Variants in NUFIP1 observed in about 807,000 individuals in gnomAD.
NUFIP1 encodes the protein FMR1-interacting protein NUFIP1.
A neutral mutation model predicts 56.2 loss-of-function variants in NUFIP1; 38 were observed. The observed-to-expected ratio is 0.68, with a 90% confidence interval of 0.52 to 0.89. NUFIP1 has a LOEUF of 0.89. NUFIP1 is among the 40% of genes least tolerant of loss of function. NUFIP1 has a pLI of 0.00. For synonymous variants in NUFIP1, 215 were observed against 212.4 expected (o/e 1.01, Z -0.10); for missense variants, 567 against 605.8 (o/e 0.94, Z 0.67).
chr13:44,969,359 G>C (rs1871723756), intron 5 of NUFIP1, among the ~76,000 whole-genome samples: 1 of 152,132 alleles, frequency 6.6e-6, no homozygotes, highest in South Asian at 2.1e-4. Flanking sequence ...AAGGAGTTCT[G>C]ATGAAGGAGT....
chr13:44,982,200 T>C, intron 1 of NUFIP1, 46 bp from the exon 2 acceptor site: 2 of 925,594 alleles, frequency 2.2e-6, no homozygotes, highest in Non-Finnish European at 3.0e-6. Flanking sequence ...TGTAATTATT[T>C]AAATTATAAT....
In NUFIP1 at chr13:44,959,491, G is replaced by C; in HGVS notation, c.911C>G (p.Ser304Cys). 1 of 1,614,080 alleles carries C rather than the reference G, an allele frequency of 6.2e-7. No individual in the cohort carries two copies. The highest frequency in any genetic ancestry group is 1.3e-5 in the African/African-American group (1 of 75,010). Reference sequence around the variant, plus strand: ...TGATCCAGTGACTGCTCTCTGTCTAGAATTGTCGTTTTTCCATTTGTGATT... The same window carrying C: ...TGATCCAGTGACTGCTCTCTGTCTACAATTGTCGTTTTTCCATTTGTGATT... ...GKNHKWKNDN[S>C]RQRAVTGSGS... Residue 304 changes from serine to cysteine, a missense_variant, in exon 7 of 10, where the codon TCT becomes TGT. By Grantham distance (112) the Ser-to-Cys change is moderately radical (BLOSUM62 -1). Coordinates refer to ENST00000379161, the MANE Select transcript of NUFIP1 (RefSeq NM_012345.3).
intron 8 of NUFIP1, among the ~76,000 whole-genome samples, chr13:44,946,525 T>C (rs1191856519): frequency 1.3e-5 from 2 of 152,210 alleles, no homozygotes; most frequent in Non-Finnish European, 2.9e-5. Flanking sequence ...TGGAAGTATT[T>C]CTTATTAAAT....
chr13:44,940,266 C>T lies in NUFIP1; in HGVS notation c.*940G>A, dbSNP rs895313539. 6.6e-6 allele frequency: 1 copy of T among 152,106 alleles called. No individual in the cohort carries two copies. Among genetic ancestry groups the T allele is most frequent in the African/African-American group, 2.4e-5 (1 of 41,424 alleles). 9.4% of individuals were successfully genotyped at this position (152,106 alleles called of 1,614,324 possible). A position where few individuals can be genotyped will look rare whatever the true frequency, so the allele number is the denominator to read the frequency against. ...ATGAATCTTCATCTCAGGTCTGTGACGTCACTAGGGTCACATGCCAGGTGT... is the reference window on the plus strand; with the variant it reads ...ATGAATCTTCATCTCAGGTCTGTGATGTCACTAGGGTCACATGCCAGGTGT... On this transcript the variant is annotated 3_prime_UTR_variant, in exon 10 of 10. Coordinates refer to ENST00000379161, the MANE Select transcript of NUFIP1 (RefSeq NM_012345.3).
chr13:44,988,895 T>G, intron 1 of NUFIP1, 130 bp downstream of exon 1: 1 of 884,472 alleles, frequency 1.1e-6, no homozygotes, highest in Non-Finnish European at 1.7e-6. Flanking sequence ...TCACTTTGCT[T>G]TGAGATGCTA....
In NUFIP1 at chr13:44,943,515, T is replaced by C; in HGVS notation, c.1298A>G (p.Lys433Arg). The change falls in exon 9 of 10, where the codon AAG (lysine) becomes AGG (arginine). Residue 433 changes from lysine (K) to arginine (R), a missense_variant. Lys to Arg is a conservative substitution (Grantham distance 26). Coordinates refer to ENST00000379161, the MANE Select transcript of NUFIP1 (RefSeq NM_012345.3). ...ATAGTTGTGATAATCTTTTTTCCTC[T>C]TAGGGTTTGTTTTTTCAAAGCTTTT... ...RKKSFEKTNPKRKKDYHNYQT... is the reference protein window; with the variant it reads ...RKKSFEKTNPRRKKDYHNYQT... The C allele has an allele frequency of 6.2e-7, 1 of 1,614,184 alleles. No individual in the cohort carries two copies. Among genetic ancestry groups the C allele is most frequent in the Non-Finnish European group, 8.5e-7 (1 of 1,180,022 alleles).
intron 2 of NUFIP1, 127 bp downstream of exon 2, chr13:44,981,945 T>G: frequency 7.0e-6 from 1 of 143,506 alleles, no homozygotes. Context: ...AAAATTCCTT[T>G]TTATAGCAAG....
intron 8 of NUFIP1, among the ~76,000 whole-genome samples, chr13:44,946,905 T>C (rs117657518): frequency 2.0e-5 from 3 of 152,362 alleles, no homozygotes; most frequent in South Asian, 2.1e-4. Flanking sequence ...AGAAATTTGC[T>C]AGTGACCTGG....
chr13:44,960,257 ATGTT>A (rs1871378647), intron 6 of NUFIP1, among the ~76,000 whole-genome samples: 2 of 148,390 alleles, frequency 1.3e-5, no homozygotes, highest in African/African-American at 5.0e-5. Context: ...TTTATAAAGT[ATGTT>A]CACTCTTGTC....
At chr13:44,975,914 G>A (rs1566063322) in intron 5 of NUFIP1, among the ~76,000 whole-genome samples, 2 of 152,196 alleles carry the variant, frequency 1.3e-5, no homozygotes, top group Admixed American at 6.5e-5. Context: ...TGGCAAATCA[G>A]GAAGTCACTT....
intron 1 of NUFIP1, among the ~76,000 whole-genome samples, chr13:44,984,081 C>G (rs894258282): frequency 4.6e-5 from 7 of 152,192 alleles, no homozygotes; most frequent in African/African-American, 1.7e-4. Context: ...CTTTCACATA[C>G]TCTGCTTCAG....
chr13:44,972,448 A>T (rs1351315765), intron 5 of NUFIP1, among the ~76,000 whole-genome samples: 2 of 152,260 alleles, frequency 1.3e-5, no homozygotes, highest in Non-Finnish European at 2.9e-5. Context: ...TTGCTGCAAA[A>T]GTATGAATAT....
chr13:44,941,275 A>G lies in NUFIP1; in HGVS notation c.1419T>C (p.Cys473=), dbSNP rs752979885. The G allele has an allele frequency of 6.2e-7, 1 of 1,611,678 alleles. No individual in the cohort carries two copies. The highest frequency in any genetic ancestry group is 1.7e-5 in the Admixed American group (1 of 59,354). ...IRHERNVILQ[C]VRYIIKKDFF... ...AGTCTTTTTTGATGATGTACCGAAC[A>G]CACTGCAAAATCACATTTCTTTCAT... The change falls in exon 10 of 10, where the codon TGT becomes TGC. Residue 473 remains cysteine (C), a synonymous_variant. Coordinates refer to ENST00000379161, the MANE Select transcript of NUFIP1 (RefSeq NM_012345.3).
At chr13:44,982,629 A>C (rs147204423) in intron 1 of NUFIP1, among the ~76,000 whole-genome samples, 36 of 152,114 alleles carry the variant, frequency 2.4e-4, no homozygotes, top group Admixed American at 9.2e-4. Context: ...CTTCCAGTTC[A>C]TAAGCCCCCT....
intron 6 of NUFIP1, among the ~76,000 whole-genome samples, chr13:44,963,037 A>G (rs1871476555): frequency 6.6e-6 from 1 of 152,140 alleles, no homozygotes; most frequent in African/African-American, 2.4e-5. Flanking sequence ...ATTAAGTGAC[A>G]CATTGTAATT....
chr13:44,982,018 T>C (rs1384418978), intron 2 of NUFIP1, 54 bp downstream of exon 2: 4 of 922,214 alleles, frequency 4.3e-6, no homozygotes, highest in East Asian at 5.7e-5. Flanking sequence ...ATGCAAGATA[T>C]GAAACAGTAA....
intron 5 of NUFIP1, among the ~76,000 whole-genome samples, chr13:44,970,082 T>C (rs139172737): frequency 6.6e-6 from 1 of 152,234 alleles, no homozygotes; most frequent in Non-Finnish European, 1.5e-5. Flanking sequence ...CCCAGTCTGC[T>C]GTGAAAAATG....
intron 1 of NUFIP1, 34 bp from the exon 2 acceptor site, chr13:44,982,188 A>C: frequency 9.8e-7 from 1 of 1,022,182 alleles, no homozygotes; most frequent in Non-Finnish European, 1.4e-6. Context: ...TGTTTGCAAC[A>C]ATGTAATTAT....
chr13:44,964,742 A>C (rs1246251448), intron 6 of NUFIP1, among the ~76,000 whole-genome samples: 1 of 152,202 alleles, frequency 6.6e-6, no homozygotes, highest in Non-Finnish European at 1.5e-5. Context: ...CAAAAGGATC[A>C]GAGTTATCAG....
Sources: allele counts gnomAD v4.1 joint callset (sites outside exome capture counted in the v4.1 genomes callset), GRCh38; gene constraint gnomAD v4.1.1; transcripts MANE v1.5; gene names NCBI Gene and HGNC (gene_info 2026-07-23, HGNC 2026-07-21).